UBE3D: variants seen among roughly 807,000 people sequenced by gnomAD.
UBE3D encodes ubiquitin protein ligase E3D, also known as E3 ubiquitin-protein ligase E3D.
Under a neutral mutation model 49.6 loss-of-function variants are expected in UBE3D, and 48 were observed. That is an observed-to-expected ratio of 0.97 (90% CI 0.77 to 1.23). The LOEUF (loss-of-function observed/expected upper bound fraction) is 1.23. UBE3D is among the 50% of genes most tolerant of loss of function. The pLI, the probability that UBE3D is intolerant of heterozygous loss-of-function variation, is 0.00. For synonymous variants in UBE3D, 189 were observed against 174.2 expected, an observed-to-expected ratio of 1.08 and a Z score of -0.67; for missense variants, 452 against 468.4, an observed-to-expected ratio of 0.96 and a Z score of 0.32.
At chr6:83,012,461 CATAAGGT>C (rs1042298347) in intron 8 of UBE3D, among the ~76,000 whole-genome samples, 1 of 152,206 alleles carries the variant, frequency 6.6e-6, no homozygotes, top group African/African-American at 2.4e-5. Context: ...TGAGCCCGTG[CATAAGGT>C]CCATCCCTGC....
At chr6:82,906,902 C>T (rs528632507) in intron 9 of UBE3D, among the ~76,000 whole-genome samples, 128 of 152,218 alleles carry the variant, frequency 8.4e-4, no homozygotes, top group African/African-American at 3.0e-3. Flanking sequence ...GTCATTTTAT[C>T]GGACAAACTA....
intron 8 of UBE3D, among the ~76,000 whole-genome samples, chr6:82,989,558 C>T (rs564749720): frequency 4.6e-5 from 7 of 152,244 alleles, no homozygotes; most frequent in African/African-American, 1.7e-4. Context: ...CTCAACTCTA[C>T]TGTACCATGG....
At chr6:83,002,175 AC>A (rs1562171999) in intron 8 of UBE3D, among the ~76,000 whole-genome samples, 1 of 152,150 alleles carries the variant, frequency 6.6e-6, no homozygotes, top group African/African-American at 2.4e-5. Context: ...GGGGGACAGT[AC>A]TTTCTACCTT....
chr6:82,953,960 G>A (rs1342637587), intron 9 of UBE3D, among the ~76,000 whole-genome samples: 3 of 152,126 alleles, frequency 2.0e-5, no homozygotes, highest in African/African-American at 7.2e-5. Context: ...TATTCTCCCA[G>A]TAGCAGGGAA....
rs1781170640 is a variant in UBE3D at position 83,022,483 on chromosome 6, A to G, written c.816T>C (p.Ile272=). Residue 272 remains isoleucine, a synonymous_variant, in exon 7 of 10, where the codon ATT becomes ATC. Transcript: ENST00000369747. The part of the protein sequence containing the change: ...SSARSTFRFT[I]QGQDDKVYIL... ...TATACACTTTGTCATCCTGACCTTG[A>G]ATCGTGAATCTAAAAGTGCTTCTAG... 1.2e-6 allele frequency: 2 copies of G among 1,605,186 alleles called. No individual in the cohort carries two copies. The highest frequency in any genetic ancestry group is 2.7e-5 in the African/African-American group (2 of 74,158).
intron 8 of UBE3D, among the ~76,000 whole-genome samples, chr6:82,973,672 T>C (rs928121489): frequency 5.9e-5 from 9 of 152,150 alleles, no homozygotes; most frequent in African/African-American, 2.2e-4. Flanking sequence ...CCTCAGTATT[T>C]GGTTCCAAGG....
chr6:82,925,623 C>A (rs2127739589), intron 9 of UBE3D, among the ~76,000 whole-genome samples: 1 of 152,156 alleles, frequency 6.6e-6, no homozygotes, highest in East Asian at 1.9e-4. Flanking sequence ...GTGATATTTT[C>A]CTAAAAGCAA....
rs1773816160 is a variant in UBE3D, at chr6:82,927,187, C to G, written c.1149+30125G>C. Among the ~76,000 whole-genome samples, 11 of 148,912 alleles carry G rather than the reference C, an allele frequency of 7.4e-5. No homozygotes were observed. The South Asian group carries it at 2.3e-3, about 32-fold the overall frequency. ...TTTTGCGGGTCCATTTCTGGGCTTT[C>G]TATTCTGTTCCATTGATCTATTTGT... On this transcript the variant is annotated intron_variant, in intron 9 of 9. Coordinates refer to ENST00000369747, the MANE Select transcript of UBE3D (RefSeq NM_198920.3).
chr6:82,973,984 T>A (rs1459357820), intron 8 of UBE3D, among the ~76,000 whole-genome samples: 1 of 152,314 alleles, frequency 6.6e-6, no homozygotes, highest in South Asian at 2.1e-4. Flanking sequence ...CACCCCCAGA[T>A]GGGACTGTCT....
intron 8 of UBE3D, among the ~76,000 whole-genome samples, chr6:82,975,266 A>T (rs1343659085): frequency 3.3e-5 from 5 of 152,152 alleles, no homozygotes; most frequent in Non-Finnish European, 7.4e-5. Flanking sequence ...CTAAAAATCA[A>T]TGCCTAAATG....
chr6:82,947,529 CTTTTT>C (rs1367698839), intron 9 of UBE3D, among the ~76,000 whole-genome samples: 3 of 147,954 alleles, frequency 2.0e-5, no homozygotes, highest in Non-Finnish European at 4.5e-5. Context: ...CTTTTCTTTT[CTTTTT>C]CTTGCCCTAT....
intron 8 of UBE3D, among the ~76,000 whole-genome samples, chr6:82,961,123 T>C (rs1776518405): frequency 6.6e-6 from 1 of 152,182 alleles, no homozygotes; most frequent in East Asian, 1.9e-4. Flanking sequence ...CCTACCACGG[T>C]AGAAAGCATC....
intron 5 of UBE3D, among the ~76,000 whole-genome samples, chr6:83,033,169 A>G (rs1782001527): frequency 6.6e-6 from 1 of 152,014 alleles, no homozygotes. Flanking sequence ...TGAGAGAGAG[A>G]GGGGAGAGGT....
downstream of UBE3D, among the ~76,000 whole-genome samples, chr6:82,888,243 G>C (rs2127707655): frequency 6.6e-6 from 1 of 151,542 alleles, no homozygotes; most frequent in African/African-American, 2.4e-5. Context: ...CTCCATATAG[G>C]CAATCTACTG....
rs1221988982 is a variant in UBE3D at position 82,950,900 on chromosome 6, AT to A, written c.1149+6411del. 2.6e-5 allele frequency among the ~76,000 whole-genome samples: 4 copies of A among 152,240 alleles called. No homozygotes were observed. In the East Asian group the frequency reaches 7.7e-4, roughly 29 times the overall value. On this transcript the variant is annotated intron_variant, in intron 9 of 9. Transcript: ENST00000369747. Reference sequence around the variant, plus strand: ...TCTCACTTACTTGTGGGATCTAAACATTAAAACAACTGAATTCATGGAGACA... The same window carrying A: ...TCTCACTTACTTGTGGGATCTAAACATAAAACAACTGAATTCATGGAGACA...
At chr6:82,919,158 T>C (rs1165627624) in intron 9 of UBE3D, among the ~76,000 whole-genome samples, 8 of 152,126 alleles carry the variant, frequency 5.3e-5, no homozygotes, top group African/African-American at 1.9e-4. Context: ...CCTTTGCCCA[T>C]CCTTAAGACC....
intron 4 of UBE3D, among the ~76,000 whole-genome samples, chr6:83,041,853 A>G (rs1002241613): frequency 6.6e-6 from 1 of 152,192 alleles, no homozygotes; most frequent in East Asian, 1.9e-4. Flanking sequence ...AAAAAGAGTG[A>G]AGCCTTGAAT....
intron 8 of UBE3D, among the ~76,000 whole-genome samples, chr6:83,016,255 T>C (rs530130688): frequency 6.6e-6 from 1 of 152,290 alleles, no homozygotes; most frequent in African/African-American, 2.4e-5. Flanking sequence ...CCAGTGAACT[T>C]AGGAGCAACC....
the UBE3D span, among the ~76,000 whole-genome samples, chr6:82,883,885 C>T: frequency 6.6e-6 from 1 of 152,126 alleles, no homozygotes; most frequent in Admixed American, 6.5e-5. Flanking sequence ...CCAGGTTGAA[C>T]CCAAACAGTG....
Sources: allele counts gnomAD v4.1 joint callset (sites outside exome capture counted in the v4.1 genomes callset), GRCh38; gene constraint gnomAD v4.1.1; transcripts MANE v1.5; gene names NCBI Gene and HGNC (gene_info 2026-07-23, HGNC 2026-07-21).